Variants in SLC45A4 observed in about 807,000 individuals in gnomAD.
SLC45A4 encodes solute carrier family 45 member 4, also known as polyamine-transporter SLC45A4.
Under a neutral mutation model 63.7 loss-of-function variants are expected in SLC45A4, and 32 were observed. The ratio of observed to expected loss-of-function variants is 0.50; its 90% confidence interval spans 0.38 to 0.67. SLC45A4 has a LOEUF of 0.67. SLC45A4 is among the 30% of genes least tolerant of loss of function. The probability of loss-of-function intolerance (pLI) is 0.00; values close to 1 mark genes in which losing one functional copy is unlikely to be tolerated. For missense variants in SLC45A4, 1,027 were observed against 1,157.7 expected, an observed-to-expected ratio of 0.89 and a Z score of 1.64; for synonymous variants, 535 against 510.0, an observed-to-expected ratio of 1.05 and a Z score of -0.66.
intron 1 of SLC45A4, among the ~76,000 whole-genome samples, chr8:141,274,352 G>A (rs1441045779): frequency 6.6e-6 from 1 of 151,758 alleles, no homozygotes; most frequent in Non-Finnish European, 1.5e-5. Flanking sequence ...TGGCCAACAT[G>A]GTAAAACCCA....
intron 1 of SLC45A4, among the ~76,000 whole-genome samples, chr8:141,301,760 A>AAAAAAAAAAAAAC (rs1259440451): frequency 7.9e-6 from 1 of 125,894 alleles, no homozygotes; most frequent in Non-Finnish European, 1.7e-5. Context: ...AAAAAAAAAA[A>AAAAAAAAAAAAAC]AATCCTGGGC....
chr8:141,288,822 G>A (rs763826112), intron 1 of SLC45A4, among the ~76,000 whole-genome samples: 3 of 152,250 alleles, frequency 2.0e-5, no homozygotes, highest in Non-Finnish European at 2.9e-5. Context: ...ACAGGAAGAC[G>A]AGGGCAAGGG....
intron 2 of SLC45A4, among the ~76,000 whole-genome samples, chr8:141,245,156 G>A (rs993116712): frequency 6.6e-6 from 1 of 152,202 alleles, no homozygotes; most frequent in African/African-American, 2.4e-5. Context: ...TACAGGCTCT[G>A]TTCTAAGCAC....
intron 2 of SLC45A4, among the ~76,000 whole-genome samples, chr8:141,232,510 CG>C (rs1265090749): frequency 6.6e-6 from 1 of 152,244 alleles, no homozygotes; most frequent in African/African-American, 2.4e-5. Flanking sequence ...GCAACATGAA[CG>C]CACACTCAGT....
In SLC45A4 at chr8:141,227,357, A is replaced by G. The variant is rs1223905385; in HGVS notation, c.242-5592T>C. ...AGGGCAAGGAGTGGGAAAGTCGCCT[A>G]TAAATGTTTAACAAAAGATCCGCAA... On this transcript the variant is annotated intron_variant, in intron 2 of 8. Coordinates refer to ENST00000517878, the MANE Select transcript of SLC45A4 (RefSeq NM_001286646.2). The surrounding 1 kb of genome is among the most constrained non-coding windows in gnomAD (Gnocchi z 4.4). 6.6e-6 allele frequency among the ~76,000 whole-genome samples: 1 copy of G among 152,176 alleles called. No individual in the cohort carries two copies. Among genetic ancestry groups the G allele is most frequent in the African/African-American group, 2.4e-5 (1 of 41,426 alleles).
In SLC45A4 at chr8:141,210,225, A is replaced by C. The variant is rs1825731881; in HGVS notation, c.*1347T>G. ...ATCAAGTTGCATAGAGTGAGCTGCC[A>C]CGGACGCCCGGCCGAGGTGAGGAAG... On this transcript the variant is annotated 3_prime_UTR_variant, in exon 9 of 9. Coordinates refer to ENST00000517878, the MANE Select transcript of SLC45A4 (RefSeq NM_001286646.2). 1 of 152,340 alleles carries C rather than the reference A, an allele frequency of 6.6e-6. No individual in the cohort carries two copies. The highest frequency in any genetic ancestry group is 1.5e-5 in the Non-Finnish European group (1 of 68,124). 9.4% of individuals were successfully genotyped at this position (152,340 alleles called of 1,614,324 possible).
At chr8:141,280,525 C>G (rs115847700) in intron 1 of SLC45A4, among the ~76,000 whole-genome samples, 1 of 152,116 alleles carries the variant, frequency 6.6e-6, no homozygotes, top group Non-Finnish European at 1.5e-5. Flanking sequence ...CAGTGGGTCA[C>G]GCGGGGCCCC....
Position 141,218,095 on chromosome 8 carries a change from G to C in SLC45A4, c.1545C>G (p.His515Gln). ...PRELMRLCLC[H>Q]LLTWFSVIAE... ...CGATGACAGAGAACCAGGTGAGGAG[G>C]TGGCAGAGGCACAGCCGCATCAGCT... is the stretch of plus-strand genomic sequence containing the variant. Residue 515 changes from histidine to glutamine, a missense_variant, in exon 5 of 9, where the codon CAC (histidine) becomes CAG (glutamine). Transcript: ENST00000517878. 2 of 1,612,836 alleles carry C rather than the reference G, an allele frequency of 1.2e-6. No homozygotes were observed. Among genetic ancestry groups the C allele is most frequent in the Non-Finnish European group, 1.7e-6 (2 of 1,179,982 alleles).
chr8:141,294,114 C>T lies in SLC45A4; in HGVS notation c.-401+13982G>A, dbSNP rs893815764. Among the ~76,000 whole-genome samples the T allele has an allele frequency of 3.3e-5, 5 of 151,936 alleles. No homozygotes were observed. In the East Asian group the frequency reaches 5.8e-4, roughly 18 times the overall value. On this transcript the variant is annotated intron_variant, in intron 1 of 8. Coordinates refer to ENST00000517878, the MANE Select transcript of SLC45A4 (RefSeq NM_001286646.2). ...GCTGCAGACCAGGAGGACCTGAGTC[C>T]GTGGCCCAGGATCTCTGTAGACCAG...
intron 1 of SLC45A4, among the ~76,000 whole-genome samples, chr8:141,265,824 C>A (rs1252313484): frequency 2.6e-5 from 4 of 152,190 alleles, no homozygotes; most frequent in Non-Finnish European, 4.4e-5. Flanking sequence ...GAAAAGCAAG[C>A]TTCCCTTTGG....
At chr8:141,300,036 C>T (rs1830691464) in intron 1 of SLC45A4, among the ~76,000 whole-genome samples, 1 of 152,286 alleles carries the variant, frequency 6.6e-6, no homozygotes. Flanking sequence ...CTCACCCATC[C>T]CTGGAATGAA....
intron 1 of SLC45A4, among the ~76,000 whole-genome samples, chr8:141,288,392 A>G (rs1353368233): frequency 6.6e-6 from 1 of 152,236 alleles, no homozygotes. Flanking sequence ...GCAAATTGCA[A>G]GCGCATCGGT....
Position 141,215,893 on chromosome 8 carries a change from C to A in SLC45A4, c.1807G>T (p.Val603Phe), listed in dbSNP as rs772947728. ...IYVLGTLGFS[V>F]GTAVMAMFPN... ...AACATGGCCATCACGGCTGTGCCGA[C>A]AGAGAAGCCCAGCGTCCCCAGCACG... is the stretch of plus-strand genomic sequence containing the variant. Residue 603 changes from valine to phenylalanine, a missense_variant, in exon 7 of 9, where the codon GTC (valine) becomes TTC (phenylalanine). Transcript: ENST00000517878. The surrounding 1 kb of genome is among the most constrained non-coding windows in gnomAD (Gnocchi z 4.3). 1.2e-6 allele frequency: 2 copies of A among 1,614,144 alleles called. No individual in the cohort carries two copies. The highest frequency in any genetic ancestry group is 1.7e-5 in the Admixed American group (1 of 60,030).
rs1055352509 is a variant in SLC45A4, at chr8:141,219,120, CG to C, written c.611-92del. 2.8e-6 allele frequency: 4 copies of C among 1,436,984 alleles called. No homozygotes were observed. In the African/African-American group the frequency reaches 5.7e-5, roughly 21 times the overall value. 89.0% of individuals were successfully genotyped at this position (1,436,984 alleles called of 1,614,324 possible). On this transcript the variant is annotated intron_variant, in intron 4 of 8. Transcript: ENST00000517878. ...AGGGCCTCTCCCTCTAACAGGGGGC[CG>C]GGGCTGCCCTCATGATGGGAGTCAG... is the stretch of plus-strand genomic sequence containing the variant.
intron 1 of SLC45A4, among the ~76,000 whole-genome samples, chr8:141,295,714 T>A (rs898984378): frequency 7.2e-5 from 11 of 152,128 alleles, no homozygotes; most frequent in African/African-American, 2.7e-4. Context: ...GAACCCAACA[T>A]CAGTCTGAAA....
chr8:141,248,923 G>C (rs1279854581), intron 2 of SLC45A4, among the ~76,000 whole-genome samples: 1 of 151,756 alleles, frequency 6.6e-6, no homozygotes, highest in Non-Finnish European at 1.5e-5. Context: ...AGGCTGAGGT[G>C]GGAGAATCAG....
At chr8:141,263,977 C>G (rs760688416) in intron 1 of SLC45A4, among the ~76,000 whole-genome samples, 12 of 152,092 alleles carry the variant, frequency 7.9e-5, no homozygotes, top group African/African-American at 1.2e-4. Context: ...AAGCTGGTGG[C>G]CTCCGGGTTG....
Position 141,208,183 on chromosome 8 carries a change from T to C in SLC45A4, c.*3389A>G, listed in dbSNP as rs1360940221. 4 of 152,236 alleles carry C rather than the reference T, an allele frequency of 2.6e-5. No individual in the cohort carries two copies. Among genetic ancestry groups the C allele is most frequent in the Non-Finnish European group, 5.9e-5 (4 of 68,036 alleles). The allele number at this position is 152,236 out of a possible 1,614,324, so 9.4% of individuals were successfully genotyped here. ...TTAATGTCTAGTGTGGACAGCAATA[T>C]TTGGTGTTTTAACAAACCTGGTCTC... On this transcript the variant is annotated 3_prime_UTR_variant, in exon 9 of 9. Transcript: ENST00000517878.
At chr8:141,224,993 C>T (rs1466833446) in intron 2 of SLC45A4, 3 of 152,332 alleles carry the variant, frequency 2.0e-5, no homozygotes, top group South Asian at 2.1e-4. Context: ...GTTTTCAGAC[C>T]TAGAATTTCC....
Sources: allele counts gnomAD v4.1 joint callset (sites outside exome capture counted in the v4.1 genomes callset), GRCh38; gene constraint gnomAD v4.1.1; non-coding constraint Gnocchi (gnomAD v3.1); transcripts MANE v1.5; gene names NCBI Gene and HGNC (gene_info 2026-07-23, HGNC 2026-07-21).